Variants in DCUN1D4 observed in about 807,000 individuals in gnomAD.
DCUN1D4 encodes DCN1-like protein 4.
Under a neutral mutation model 47.9 loss-of-function variants are expected in DCUN1D4, and 22 were observed. That is an observed-to-expected ratio of 0.46 (90% CI 0.33 to 0.66). The LOEUF (loss-of-function observed/expected upper bound fraction) is 0.66. DCUN1D4 is among the 30% of genes least tolerant of loss of function. The pLI is 0.02. For missense variants in DCUN1D4, 301 were observed against 340.8 expected, an observed-to-expected ratio of 0.88 and a Z score of 0.92; for synonymous variants, 121 against 112.2, an observed-to-expected ratio of 1.08 and a Z score of -0.50.
intron 3 of DCUN1D4, among the ~76,000 whole-genome samples, chr4:51,867,358 A>G (rs1726121408): frequency 6.6e-6 from 1 of 152,212 alleles, no homozygotes; most frequent in African/African-American, 2.4e-5. Context: ...GCAAGTGGCA[A>G]GGGGTGCGTT....
chr4:51,867,727 C>A (rs1372790551), intron 3 of DCUN1D4, among the ~76,000 whole-genome samples: 3 of 152,190 alleles, frequency 2.0e-5, no homozygotes, highest in Admixed American at 6.5e-5. Context: ...ATGAGCTGGC[C>A]TGGAAAAAGC....
chr4:51,878,416 G>A (rs1377787952), intron 5 of DCUN1D4, among the ~76,000 whole-genome samples: 1 of 152,126 alleles, frequency 6.6e-6, no homozygotes, highest in Non-Finnish European at 1.5e-5. Flanking sequence ...TTTCAAACAA[G>A]CTCAAGCTGA....
chr4:51,850,652 G>A (rs1021178744), intron 1 of DCUN1D4, among the ~76,000 whole-genome samples: 4 of 152,040 alleles, frequency 2.6e-5, no homozygotes, highest in African/African-American at 9.7e-5. Context: ...TAGTGTAGGG[G>A]AGGGGGCAGA....
chr4:51,858,804 G>A (rs1229738816), intron 1 of DCUN1D4, among the ~76,000 whole-genome samples: 3 of 152,170 alleles, frequency 2.0e-5, no homozygotes, highest in Admixed American at 6.5e-5. Context: ...TATAAATAAA[G>A]CTTTATTGGA....
chr4:51,906,799 A>G (rs1578050134), intron 8 of DCUN1D4, among the ~76,000 whole-genome samples: 1 of 152,190 alleles, frequency 6.6e-6, no homozygotes, highest in Non-Finnish European at 1.5e-5. Context: ...ATGTTTCTTC[A>G]TATCGAAATC....
intron 1 of DCUN1D4, among the ~76,000 whole-genome samples, chr4:51,859,247 T>C (rs1446570435): frequency 1.3e-5 from 2 of 152,218 alleles, no homozygotes; most frequent in Non-Finnish European, 2.9e-5. Context: ...CAGTAAACTT[T>C]AATTGTTCAT....
At chr4:51,848,516 T>A (rs1254404783) in intron 1 of DCUN1D4, 3 of 566,070 alleles carry the variant, frequency 5.3e-6, no homozygotes, top group Non-Finnish European at 6.8e-6. Flanking sequence ...AAAATTTTCT[T>A]TGATGAATCT....
chr4:51,845,699 A>G (rs995010246), intron 1 of DCUN1D4, among the ~76,000 whole-genome samples: 1 of 152,216 alleles, frequency 6.6e-6, no homozygotes, highest in African/African-American at 2.4e-5. Flanking sequence ...TACTTGCAAC[A>G]TAGTCATTAG....
At chr4:51,842,660 T>C (rs1721786615), upstream of DCUN1D4, among the ~76,000 whole-genome samples, 1 of 152,218 alleles carries the variant, frequency 6.6e-6, no homozygotes, top group African/African-American at 2.4e-5. Context: ...CCCGGCCGCG[T>C]CGCGCCGGGC....
intron 8 of DCUN1D4, among the ~76,000 whole-genome samples, chr4:51,906,947 T>C (rs1732984584): frequency 6.6e-6 from 1 of 152,254 alleles, no homozygotes; most frequent in Admixed American, 6.5e-5. Context: ...TCCTTATTTA[T>C]AAATTGGGGA....
At chr4:51,886,543 A>G in intron 5 of DCUN1D4, 25 bp from the exon 6 acceptor site, 1 of 1,607,776 alleles carries the variant, frequency 6.2e-7, no homozygotes, top group Non-Finnish European at 8.5e-7. Context: ...GTCAGATTTA[A>G]TTTACATAAG....
intron 1 of DCUN1D4, chr4:51,860,768 A>G (rs1159533741): frequency 2.7e-6 from 1 of 370,962 alleles, no homozygotes; most frequent in Non-Finnish European, 5.5e-6. Context: ...CCATGATCCA[A>G]ACACCTCTCA....
In DCUN1D4 at chr4:51,877,859, G is replaced by A. The variant is rs536656176; in HGVS notation, c.343+5G>A. 1.9e-6 allele frequency: 3 copies of A among 1,562,606 alleles called. No homozygotes were observed. Among genetic ancestry groups the A allele is most frequent in the South Asian group, 1.1e-5 (1 of 89,020 alleles). On this transcript the variant is annotated splice_donor_5th_base_variant and intron_variant, in intron 5 of 10. Transcript: ENST00000334635. ...AATGGTTCTATGAATATGCAGGTAG[G>A]TATTCATTTGTATCATCTAAGACTG...
chr4:51,840,157 A>AT (rs767489964), upstream of DCUN1D4, among the ~76,000 whole-genome samples: 2 of 152,158 alleles, frequency 1.3e-5, no homozygotes, highest in South Asian at 4.1e-4. Flanking sequence ...TCAATTATTA[A>AT]TTTTTTTCTC....
intron 5 of DCUN1D4, chr4:51,884,384 A>C (rs1444622001): frequency 1.3e-5 from 2 of 152,178 alleles, no homozygotes; most frequent in African/African-American, 4.8e-5. Flanking sequence ...CCCTTCATGG[A>C]GGGCAGGGAC....
At chr4:51,849,518 A>G (rs1285075352) in intron 1 of DCUN1D4, among the ~76,000 whole-genome samples, 1 of 152,212 alleles carries the variant, frequency 6.6e-6, no homozygotes, top group African/African-American at 2.4e-5. Flanking sequence ...TACGTGGTAG[A>G]AGCCCTTGTG....
At chr4:51,880,753 T>C (rs1013302567) in intron 5 of DCUN1D4, among the ~76,000 whole-genome samples, 6 of 152,212 alleles carry the variant, frequency 3.9e-5, no homozygotes, top group African/African-American at 1.4e-4. Flanking sequence ...TCTGTGACTT[T>C]AGAAAGGATC....
chr4:51,906,542 C>T (rs1490088222), intron 8 of DCUN1D4, among the ~76,000 whole-genome samples: 1 of 152,184 alleles, frequency 6.6e-6, no homozygotes, highest in Non-Finnish European at 1.5e-5. Context: ...CACCCCCAAC[C>T]TCAAACACAC....
At chr4:51,878,572 A>G (rs904988995) in intron 5 of DCUN1D4, among the ~76,000 whole-genome samples, 11 of 152,136 alleles carry the variant, frequency 7.2e-5, no homozygotes, top group Non-Finnish European at 1.5e-4. Context: ...TAATTTTTTT[A>G]AAACTAAGCT....
Sources: gnomAD v4.1 joint callset for allele counts (sites outside exome capture counted in the v4.1 genomes callset) on GRCh38, gnomAD v4.1.1 for gene constraint, MANE v1.5 for transcripts, NCBI Gene and HGNC (gene_info 2026-07-23, HGNC 2026-07-21) for gene names.